Variants in ADAM18 observed in about 807,000 individuals in gnomAD.
The protein encoded by ADAM18 is ADAM metallopeptidase domain 18.
Under a neutral mutation model 94.4 loss-of-function variants are expected in ADAM18, and 117 were observed. That is an observed-to-expected ratio of 1.24 (90% CI 1.07 to 1.45). The LOEUF is 1.45. Among genes scored for constraint, ADAM18 ranks in the 40% most tolerant of loss-of-function variants. The pLI is 0.00. For missense variants in ADAM18, 936 were observed against 880.0 expected, an observed-to-expected ratio of 1.06 and a Z score of -0.81; for synonymous variants, 327 against 291.6, an observed-to-expected ratio of 1.12 and a Z score of -1.24.
intron 2 of ADAM18, among the ~76,000 whole-genome samples, chr8:39,602,092 C>T (rs565000287): frequency 2.0e-5 from 3 of 152,238 alleles, no homozygotes; most frequent in East Asian, 1.9e-4. Context: ...TTGCTTCCAC[C>T]TCTTGGCTAT....
Position 39,723,859 on chromosome 8 carries a change from G to T in ADAM18, c.2129G>T (p.Arg710Ile), listed in dbSNP as rs149151496. ...GTTTTCACCACTGTGATCTTTAAAAGAAATGAAATAAGTAAATCATGTAAC... is the reference window on the plus strand; with the variant it reads ...GTTTTCACCACTGTGATCTTTAAAATAAATGAAATAAGTAAATCATGTAAC... ...FIVFTTVIFK[R>I]NEISKSCNRE... is the part of the protein sequence containing the mutation. The change falls in exon 19 of 20, where the codon AGA (arginine) becomes ATA (isoleucine). Residue 710 changes from arginine (R) to isoleucine (I), a missense_variant. Coordinates refer to ENST00000265707, the MANE Select transcript of ADAM18 (RefSeq NM_014237.3). 1,069 of 1,569,350 alleles carry T rather than the reference G, an allele frequency of 6.8e-4. 7 individuals carry two copies. The African/African-American group carries it at 0.013, about 18-fold the overall frequency.
intron 3 of ADAM18, among the ~76,000 whole-genome samples, chr8:39,608,385 C>T (rs1465398709): frequency 6.6e-6 from 1 of 151,788 alleles, no homozygotes; most frequent in Non-Finnish European, 1.5e-5. Flanking sequence ...TCAAACCCTC[C>T]AATGCGTCTC....
rs1369903556 is a variant in ADAM18, at chr8:39,658,818, A to G, written c.1231-4977A>G. On this transcript the variant is annotated intron_variant, in intron 12 of 19. Coordinates refer to ENST00000265707, the MANE Select transcript of ADAM18 (RefSeq NM_014237.3). ...TGCATTAGGGAGGGTTGAAAATGGA[A>G]TAATGCTTCTGGAGAGTACCGTACA... Among the ~76,000 whole-genome samples the G allele has an allele frequency of 3.9e-5, 6 of 152,316 alleles. No homozygotes were observed. The East Asian group carries it at 1.2e-3, about 29-fold the overall frequency.
intron 18 of ADAM18, among the ~76,000 whole-genome samples, chr8:39,721,438 C>A (rs2129581783): frequency 6.6e-6 from 1 of 151,634 alleles, no homozygotes; most frequent in Non-Finnish European, 1.5e-5. Context: ...TAAAAAGCAT[C>A]TGCAAAGAAA....
At chr8:39,669,421 G>A (rs916621354) in intron 14 of ADAM18, among the ~76,000 whole-genome samples, 26 of 149,072 alleles carry the variant, frequency 1.7e-4, no homozygotes, top group East Asian at 8.0e-4. Context: ...CCAGTAACTC[G>A]TCATTTAGCA....
In ADAM18 at chr8:39,637,692, A is replaced by G. The variant is rs972265993; in HGVS notation, c.816A>G (p.Ala272=). The G allele has an allele frequency of 6.2e-7, 1 of 1,602,778 alleles. No individual in the cohort carries two copies. The change falls in exon 9 of 20, where the codon GCA becomes GCG. Residue 272 remains alanine, a synonymous_variant. Coordinates refer to ENST00000265707, the MANE Select transcript of ADAM18 (RefSeq NM_014237.3). ...DYLILRPHDI[A]YLLVYRKHPK... is the part of the protein sequence containing the mutation. ...TCATCCTACGGCCCCATGACATAGCATACTTACTTGTGTAAGCACAATGTT... is the reference window on the plus strand; with the variant it reads ...TCATCCTACGGCCCCATGACATAGCGTACTTACTTGTGTAAGCACAATGTT...
At chr8:39,665,754 C>T (rs1049549936) in intron 13 of ADAM18, among the ~76,000 whole-genome samples, 3 of 151,948 alleles carry the variant, frequency 2.0e-5, no homozygotes, top group Non-Finnish European at 4.4e-5. Context: ...ATTAATCAGG[C>T]TAATTTCATA....
intron 6 of ADAM18, among the ~76,000 whole-genome samples, chr8:39,612,122 CTTAA>C (rs1819294243): frequency 6.7e-6 from 1 of 150,362 alleles, no homozygotes; most frequent in South Asian, 2.1e-4. Context: ...AATAATGTGG[CTTAA>C]TTAGTGAAAA....
intron 9 of ADAM18, among the ~76,000 whole-genome samples, 186 bp from the exon 10 acceptor site, chr8:39,638,279 T>C (rs1446441366): frequency 1.3e-5 from 2 of 151,358 alleles, no homozygotes; most frequent in Non-Finnish European, 2.9e-5. Flanking sequence ...AAGTCAATGA[T>C]TTTAGTATTT....
chr8:39,659,716 CA>C (rs1314440135), intron 12 of ADAM18, among the ~76,000 whole-genome samples: 1 of 152,002 alleles, frequency 6.6e-6, no homozygotes, highest in African/African-American at 2.4e-5. Flanking sequence ...TAACAACAGT[CA>C]CTAAAAAGCA....
At chr8:39,662,676 G>A (rs1820872124) in intron 12 of ADAM18, among the ~76,000 whole-genome samples, 2 of 152,180 alleles carry the variant, frequency 1.3e-5, no homozygotes, top group Admixed American at 1.3e-4. Flanking sequence ...CCAGGCTGGA[G>A]TGCAGTGGCA....
intron 14 of ADAM18, among the ~76,000 whole-genome samples, chr8:39,670,973 C>A (rs536948506): frequency 3.3e-5 from 5 of 152,334 alleles, no homozygotes; most frequent in African/African-American, 7.2e-5. Flanking sequence ...CACACAGCTA[C>A]CTATTAGTCT....
intron 19 of ADAM18, among the ~76,000 whole-genome samples, chr8:39,724,940 T>C (rs1391424780): frequency 2.1e-5 from 1 of 48,146 alleles, no homozygotes; most frequent in African/African-American, 1.1e-4. Flanking sequence ...TCAATCATTG[T>C]AAATTTAAAA....
At chr8:39,596,001 T>C (rs1207657009) in intron 2 of ADAM18, among the ~76,000 whole-genome samples, 1 of 152,228 alleles carries the variant, frequency 6.6e-6, no homozygotes, top group Non-Finnish European at 1.5e-5. Flanking sequence ...AATCTGATCT[T>C]ATCCATTTTT....
chr8:39,706,711 T>C (rs1822251279), intron 17 of ADAM18, 79 bp from the exon 18 acceptor site: 1 of 618,902 alleles, frequency 1.6e-6, no homozygotes, highest in Non-Finnish European at 2.8e-6. Context: ...AATTTAGTTA[T>C]TTATATCAGA....
intron 2 of ADAM18, among the ~76,000 whole-genome samples, chr8:39,599,233 G>A (rs969960250): frequency 1.3e-5 from 2 of 152,034 alleles, no homozygotes; most frequent in African/African-American, 2.4e-5. Flanking sequence ...CACATCTAGG[G>A]TAAACCTCAC....
At chr8:39,596,901 G>T (rs1304608380) in intron 2 of ADAM18, among the ~76,000 whole-genome samples, 1 of 152,066 alleles carries the variant, frequency 6.6e-6, no homozygotes, top group Admixed American at 6.6e-5. Flanking sequence ...TTTTTAATTT[G>T]CAATTCCTTA....
At chr8:39,671,703 C>G (rs1563300344) in intron 14 of ADAM18, among the ~76,000 whole-genome samples, 1 of 152,180 alleles carries the variant, frequency 6.6e-6, no homozygotes, top group Non-Finnish European at 1.5e-5. Context: ...CCTCCCCCGT[C>G]CCTCTTCATA....
chr8:39,689,647 G>T (rs192764408), intron 16 of ADAM18, among the ~76,000 whole-genome samples: 1 of 152,048 alleles, frequency 6.6e-6, no homozygotes, highest in Admixed American at 6.6e-5. Context: ...AGCTTTGTTC[G>T]CTTTGCATAG....
Sources: gnomAD v4.1 joint callset for allele counts (sites outside exome capture counted in the v4.1 genomes callset) on GRCh38, gnomAD v4.1.1 for gene constraint, MANE v1.5 for transcripts, NCBI Gene and HGNC (gene_info 2026-07-23, HGNC 2026-07-21) for gene names.